The following CYP2S1 variants were observed in gnomAD, a reference collection of about 807,000 sequenced individuals.
CYP2S1 encodes cytochrome P450 family 2 subfamily S member 1.
CYP2S1 carries 32 observed loss-of-function variants against 43.5 expected under a neutral mutation model. That is an observed-to-expected ratio of 0.74 (90% CI 0.56 to 0.99). CYP2S1 has a LOEUF of 0.99. Among genes scored for constraint, CYP2S1 ranks in the 50% least tolerant of loss-of-function variants. The pLI, the probability that CYP2S1 is intolerant of heterozygous loss-of-function variation, is 0.00. For missense variants in CYP2S1, 575 were observed against 673.9 expected (o/e 0.85, Z 1.62); for synonymous variants, 283 against 302.9 (o/e 0.93, Z 0.68).
chr19:41,207,229 C>G lies in CYP2S1; in HGVS notation c.*741C>G. The G allele has an allele frequency of 4.0e-6, 1 of 252,090 alleles. No individual in the cohort carries two copies. Among genetic ancestry groups the G allele is most frequent in the Non-Finnish European group, 7.9e-6 (1 of 127,136 alleles). The allele number at this position is 252,090 out of a possible 1,614,324, so 15.6% of individuals were successfully genotyped here. On this transcript the variant is annotated 3_prime_UTR_variant, in exon 9 of 9. Coordinates refer to ENST00000310054, the MANE Select transcript of CYP2S1 (RefSeq NM_030622.8). ...CTACCAAATGCAAACACATCTGGGTCTGCGATTATGCACAGAGACTTTGGA... is the reference window on the plus strand; with the variant it reads ...CTACCAAATGCAAACACATCTGGGTGTGCGATTATGCACAGAGACTTTGGA...
rs1183963120 is a variant in CYP2S1 at position 41,198,510 on chromosome 19, T to G, written c.542T>G (p.Val181Gly). 1 of 1,614,042 alleles carries G rather than the reference T, an allele frequency of 6.2e-7. No homozygotes were observed. The highest frequency in any genetic ancestry group is 8.5e-7 in the Non-Finnish European group (1 of 1,179,984). ...CTGCTGGCCCAGGCCACCTCCAACGTAGTCTGCTCCCTCCTCTTTGGCCTC... is the reference window on the plus strand; with the variant it reads ...CTGCTGGCCCAGGCCACCTCCAACGGAGTCTGCTCCCTCCTCTTTGGCCTC... Reference protein sequence around the residue: ...SLLLAQATSNVVCSLLFGLRF... With the variant: ...SLLLAQATSNGVCSLLFGLRF... Residue 181 changes from valine to glycine, a missense_variant, in exon 4 of 9, where the codon GTA (valine) becomes GGA (glycine). Physicochemically the swap from Val to Gly is moderately radical, Grantham distance 109. This residue lies in a region of CYP2S1 where 353 missense variants were observed against 367.6 expected (regional missense o/e 0.96). Coordinates refer to ENST00000310054, the MANE Select transcript of CYP2S1 (RefSeq NM_030622.8). The surrounding 1 kb of genome is among the most constrained non-coding windows in gnomAD (Gnocchi z 4.9).
chr19:41,202,974 G>A (rs530109744), intron 6 of CYP2S1, among the ~76,000 whole-genome samples: 48 of 151,652 alleles, frequency 3.2e-4, no homozygotes, highest in South Asian at 2.1e-4. Flanking sequence ...GATGGCAGGC[G>A]TCTGTAGTCC....
In CYP2S1 at chr19:41,206,425, T is replaced by C. The variant is rs2122172546; in HGVS notation, c.1452T>C (p.Ile484=). Residue 484 remains isoleucine, a synonymous_variant, in exon 9 of 9, where the codon ATT becomes ATC. Coordinates refer to ENST00000310054, the MANE Select transcript of CYP2S1 (RefSeq NM_030622.8). ...CCACCGTCAGTGGCCTTTTCAACAT[T>C]CCCCCAGCCTTCCAGCTGCAAGTCC... The part of the protein sequence containing the change: ...LKPTVSGLFN[I]PPAFQLQVRP... 1 of 1,613,774 alleles carries C rather than the reference T, an allele frequency of 6.2e-7. No individual in the cohort carries two copies.
chr19:41,204,852 T>C (rs2033542601), intron 7 of CYP2S1, among the ~76,000 whole-genome samples: 1 of 152,084 alleles, frequency 6.6e-6, no homozygotes, highest in African/African-American at 2.4e-5. Flanking sequence ...TGCCTCGGCC[T>C]CCTAAAGTGC....
intron 7 of CYP2S1, among the ~76,000 whole-genome samples, chr19:41,203,864 T>A (rs193086384): frequency 6.6e-5 from 10 of 151,566 alleles, no homozygotes; most frequent in African/African-American, 2.4e-4. Context: ...TCTGCATATA[T>A]TTTTTTTCTT....
intron 1 of CYP2S1, 197 bp downstream of exon 1, chr19:41,193,638 G>T: frequency 8.8e-7 from 1 of 1,140,468 alleles, no homozygotes; most frequent in Non-Finnish European, 1.1e-6. Context: ...AGGTGCCCGG[G>T]AGAGAGGATC....
intron 5 of CYP2S1, among the ~76,000 whole-genome samples, chr19:41,199,769 A>G (rs2033464152): frequency 6.6e-6 from 1 of 152,032 alleles, no homozygotes; most frequent in African/African-American, 2.4e-5. Context: ...GTTCGAGACC[A>G]GCCTGACCAA....
At position 41,198,836 on chromosome 19, in the gene CYP2S1, C is replaced by T. The variant is rs201732119; in HGVS notation, c.782C>T (p.Ala261Val). ...CAGCAGCACCAGGGGAACCTGGATG[C>T]TTCGGGCCCCGCACGTGACCTTGTC... ...QVQQHQGNLDASGPARDLVDA... is the reference protein window; with the variant it reads ...QVQQHQGNLDVSGPARDLVDA... Residue 261 changes from alanine (A) to valine (V), a missense_variant, in exon 5 of 9, where the codon GCT becomes GTT. Ala to Val is a moderately conservative substitution (Grantham distance 64). Transcript: ENST00000310054. The surrounding 1 kb of genome is among the most constrained non-coding windows in gnomAD (Gnocchi z 4.9). The T allele has an allele frequency of 2.5e-6, 4 of 1,614,056 alleles. No individual in the cohort carries two copies. The highest frequency in any genetic ancestry group is 3.4e-6 in the Non-Finnish European group (4 of 1,180,026).
At chr19:41,195,618 G>A (rs1252205216) in intron 2 of CYP2S1, among the ~76,000 whole-genome samples, 1 of 152,090 alleles carries the variant, frequency 6.6e-6, no homozygotes, top group African/African-American at 2.4e-5. Context: ...TGTTTGGTGA[G>A]GGAGCTTCAG....
At position 41,205,960 on chromosome 19, in the gene CYP2S1, C is replaced by A. The variant is rs752962462; in HGVS notation, c.1167C>A (p.Gly389=). ...GTTTCATTATTATTTCCCCTCAGGG[C>A]ACGGAGGTCTTCCCCCTCCTTGGCT... ...TRFRGYTLPQ[G]TEVFPLLGSI... The change falls in exon 8 of 9, where the codon GGC becomes GGA. Residue 389 remains glycine, a splice_region_variant and synonymous_variant. Transcript: ENST00000310054. 3.7e-6 allele frequency: 6 copies of A among 1,613,806 alleles called. No individual in the cohort carries two copies. The highest frequency in any genetic ancestry group is 5.1e-6 in the Non-Finnish European group (6 of 1,179,854).
intron 1 of CYP2S1, chr19:41,193,726 A>G: frequency 4.9e-6 from 2 of 409,602 alleles, no homozygotes; most frequent in Non-Finnish European, 7.8e-6. Flanking sequence ...GCAGGGACCG[A>G]GGCTGAAAGA....
chr19:41,205,896 C>T (rs1392160831), intron 7 of CYP2S1, 62 bp from the exon 8 acceptor site: 3 of 1,581,092 alleles, frequency 1.9e-6, no homozygotes, highest in Admixed American at 1.8e-5. Context: ...GTACTCCACA[C>T]TCGAGGACCA....
At chr19:41,204,096 C>T (rs1373170865) in intron 7 of CYP2S1, among the ~76,000 whole-genome samples, 2 of 152,082 alleles carry the variant, frequency 1.3e-5, no homozygotes, top group African/African-American at 4.8e-5. Context: ...CTCCTGACCT[C>T]GTGATCTGCC....
rs948493890 is a variant in CYP2S1 at position 41,203,578 on chromosome 19, A to G, written c.1105A>G (p.Met369Val). The G allele has an allele frequency of 1.1e-5, 17 of 1,566,524 alleles. No individual in the cohort carries two copies. Among genetic ancestry groups the G allele is most frequent in the Non-Finnish European group, 3.5e-6 (4 of 1,155,896 alleles). Residue 369 changes from methionine to valine, a missense_variant, in exon 7 of 9, where the codon ATG (methionine) becomes GTG (valine). Met to Val is a conservative substitution (Grantham distance 21). This residue lies in a region of CYP2S1 where 222 missense variants were observed against 306.3 expected (regional missense o/e 0.72). Coordinates refer to ENST00000310054, the MANE Select transcript of CYP2S1 (RefSeq NM_030622.8). ...GCAGCGGCTGCTGGCGCTGGTGCCC[A>G]TGGGAATACCCCGCACCCTCATGCG... is the stretch of plus-strand genomic sequence containing the variant. Reference protein sequence around the residue: ...EAQRLLALVPMGIPRTLMRTT... With the variant: ...EAQRLLALVPVGIPRTLMRTT...
Position 41,207,142 on chromosome 19 carries a change from C to T in CYP2S1, c.*654C>T, listed in dbSNP as rs907677812. ...CTGAGACACGCCGCCCCCACAGAGG[C>T]ACAGTCCCCAGCCACCTCTGCAACT... On this transcript the variant is annotated 3_prime_UTR_variant, in exon 9 of 9. Transcript: ENST00000310054. 1.0e-5 allele frequency: 3 copies of T among 297,578 alleles called. No homozygotes were observed. Among genetic ancestry groups the T allele is most frequent in the African/African-American group, 6.5e-5 (3 of 46,010 alleles). The allele number at this position is 297,578 out of a possible 1,614,324, so 18.4% of individuals were successfully genotyped here.
Position 41,206,804 on chromosome 19 carries a change from C to G in CYP2S1, c.*316C>G, listed in dbSNP as rs1272456403. 3 of 552,206 alleles carry G rather than the reference C, an allele frequency of 5.4e-6. No homozygotes were observed. The allele number at this position is 552,206 out of a possible 1,614,324, so 34.2% of individuals were successfully genotyped here. On this transcript the variant is annotated 3_prime_UTR_variant, in exon 9 of 9. Transcript: ENST00000310054. ...CCCACCAACTCCCCTGGATCTGCAG[C>G]CCACACGTGGGAGTCTGGCTGTCAC...
In CYP2S1 at chr19:41,198,663, G is replaced by T. The variant is rs1000849136; in HGVS notation, c.654+41G>T. The T allele has an allele frequency of 1.1e-5, 18 of 1,613,482 alleles. No homozygotes were observed. Among genetic ancestry groups the T allele is most frequent in the African/African-American group, 4.0e-5 (3 of 74,904 alleles). On this transcript the variant is annotated intron_variant, in intron 4 of 8. Transcript: ENST00000310054. This position sits in a 1 kb window ranked among gnomAD's most constrained non-coding sequence, Gnocchi z 4.9. ...CCCTCTCCAACTACCTTCCCTGAAG[G>T]TTCCTGCCAAGGTCCCATGAGAACT...
In CYP2S1 at chr19:41,197,895, C is replaced by G. The variant is rs577627773; in HGVS notation, c.460C>G (p.Arg154Gly). The change falls in exon 3 of 9, where the codon CGG (arginine) becomes GGG (glycine). Residue 154 changes from arginine to glycine, a missense_variant. Around this residue, in one of 2 missense-constraint regions of CYP2S1, gnomAD observed 353 missense variants for 367.6 expected, o/e 0.96. Transcript: ENST00000310054. ...CGAGGAGCTGATCCAGGCGGAGGCC[C>G]GGTGTCTGGTGGAGACATTCCAGGG... ...EGEELIQAEA[R>G]CLVETFQGTE... 1.1e-4 allele frequency: 172 copies of G among 1,613,728 alleles called. 1 individual carries two copies. In the South Asian group the frequency reaches 1.7e-3, roughly 16 times the overall value.
intron 5 of CYP2S1, among the ~76,000 whole-genome samples, chr19:41,199,348 A>G (rs1377778175): frequency 6.6e-6 from 1 of 152,050 alleles, no homozygotes; most frequent in Non-Finnish European, 1.5e-5. Flanking sequence ...CACTTTATTA[A>G]TTATATAAGA....
Sources: gnomAD v4.1 joint callset for allele counts (sites outside exome capture counted in the v4.1 genomes callset) on GRCh38, gnomAD v4.1.1 for gene constraint, gnomAD v4.1.1 regional missense constraint, Gnocchi (gnomAD v3.1) non-coding constraint, MANE v1.5 for transcripts, NCBI Gene and HGNC (gene_info 2026-07-23, HGNC 2026-07-21) for gene names.